Variants in ZFAND3 observed in about 807,000 individuals in gnomAD.
The protein encoded by ZFAND3 is zinc finger AN1-type containing 3.
Under a neutral mutation model 29.6 loss-of-function variants are expected in ZFAND3, and 10 were observed. That is an observed-to-expected ratio of 0.34 (90% CI 0.21 to 0.57). The LOEUF (loss-of-function observed/expected upper bound fraction) is 0.57. Among genes scored for constraint, ZFAND3 ranks in the 20% least tolerant of loss-of-function variants. ZFAND3 has a pLI of 0.86. For synonymous variants in ZFAND3, 128 were observed against 112.6 expected (o/e 1.14, Z -0.87); for missense variants, 230 against 304.5 (o/e 0.76, Z 1.82).
At chr6:38,044,581 C>A (rs1337428415) in intron 2 of ZFAND3, among the ~76,000 whole-genome samples, 1 of 152,014 alleles carries the variant, frequency 6.6e-6, no homozygotes, top group African/African-American at 2.4e-5. Flanking sequence ...TTTAGTTTTT[C>A]TTTCTAGGAA....
intron 2 of ZFAND3, among the ~76,000 whole-genome samples, chr6:38,043,030 A>G (rs1190173700): frequency 2.0e-5 from 3 of 152,192 alleles, no homozygotes; most frequent in African/African-American, 7.2e-5. Context: ...CTTTTTGACT[A>G]CAGCCTACAT....
At chr6:37,843,052 G>A (rs1764107848) in intron 1 of ZFAND3, among the ~76,000 whole-genome samples, 2 of 151,702 alleles carry the variant, frequency 1.3e-5, no homozygotes, top group South Asian at 4.2e-4. Context: ...AACCCAGGAG[G>A]CGGAGGTTCC....
chr6:37,891,002 C>T (rs968822886), intron 1 of ZFAND3, among the ~76,000 whole-genome samples: 1 of 152,164 alleles, frequency 6.6e-6, no homozygotes, highest in African/African-American at 2.4e-5. Context: ...TCAAAATAGT[C>T]AAAGCGTTAT....
At chr6:38,133,771 T>C (rs1376643816) in intron 5 of ZFAND3, among the ~76,000 whole-genome samples, 1 of 151,752 alleles carries the variant, frequency 6.6e-6, no homozygotes, top group African/African-American at 2.4e-5. Flanking sequence ...AAGAGCATCA[T>C]TGGACAAATG....
intron 5 of ZFAND3, among the ~76,000 whole-genome samples, chr6:38,131,388 C>T (rs548669771): frequency 3.8e-4 from 58 of 152,336 alleles, no homozygotes; most frequent in East Asian, 2.3e-3. Context: ...CTCAGCCCAG[C>T]GCTTTAGAGT....
intron 2 of ZFAND3, among the ~76,000 whole-genome samples, chr6:37,993,041 G>C (rs1335004685): frequency 1.3e-5 from 2 of 152,072 alleles, no homozygotes; most frequent in African/African-American, 4.8e-5. Flanking sequence ...TGCCATGTTT[G>C]ATCATGTACT....
At chr6:38,064,421 AG>A in intron 3 of ZFAND3, among the ~76,000 whole-genome samples, 1 of 152,352 alleles carries the variant, frequency 6.6e-6, no homozygotes, top group Admixed American at 6.5e-5. Context: ...AGACACAAAA[AG>A]ATTAAGTAAT....
At chr6:38,121,291 G>A (rs1196830320) in intron 5 of ZFAND3, among the ~76,000 whole-genome samples, 1 of 152,354 alleles carries the variant, frequency 6.6e-6, no homozygotes, top group African/African-American at 2.4e-5. Context: ...TGGGAGGATG[G>A]CTTTCAGCCC....
intron 2 of ZFAND3, among the ~76,000 whole-genome samples, chr6:38,055,389 G>A (rs1314536508): frequency 6.6e-6 from 1 of 152,180 alleles, no homozygotes; most frequent in Non-Finnish European, 1.5e-5. Flanking sequence ...GCTGGGAAGT[G>A]GTTGCTTCAG....
intron 2 of ZFAND3, among the ~76,000 whole-genome samples, chr6:38,012,472 G>T (rs555712361): frequency 4.0e-5 from 6 of 149,906 alleles, no homozygotes; most frequent in Admixed American, 1.3e-4. Context: ...TCCGCCTCCC[G>T]GGTTCAAGGG....
At chr6:37,864,042 G>C (rs1312207287) in intron 1 of ZFAND3, among the ~76,000 whole-genome samples, 1 of 152,102 alleles carries the variant, frequency 6.6e-6, no homozygotes, top group Non-Finnish European at 1.5e-5. Context: ...GTGAATTGGG[G>C]TTTGCAACTC....
chr6:37,873,088 C>G (rs1397976959), intron 1 of ZFAND3, among the ~76,000 whole-genome samples: 1 of 151,788 alleles, frequency 6.6e-6, no homozygotes, highest in Non-Finnish European at 1.5e-5. Context: ...GAAACACCTT[C>G]TCTACTTAAA....
chr6:37,914,176 C>T (rs557168693), intron 1 of ZFAND3, among the ~76,000 whole-genome samples: 1 of 152,180 alleles, frequency 6.6e-6, no homozygotes, highest in Admixed American at 6.5e-5. Flanking sequence ...CTTGGGTGAC[C>T]AGGTGTGTTG....
chr6:38,061,236 G>A (rs1197422767), intron 2 of ZFAND3, among the ~76,000 whole-genome samples: 1 of 152,068 alleles, frequency 6.6e-6, no homozygotes, highest in Non-Finnish European at 1.5e-5. Context: ...TTTCTCTGCT[G>A]CCTTTTTCCT....
intron 1 of ZFAND3, among the ~76,000 whole-genome samples, chr6:37,839,655 C>T (rs1300644696): frequency 1.3e-5 from 2 of 151,904 alleles, no homozygotes; most frequent in South Asian, 2.1e-4. Flanking sequence ...GCTGGGACTA[C>T]AGGCGTGTGC....
chr6:38,091,524 A>C (rs73730876), intron 4 of ZFAND3, among the ~76,000 whole-genome samples: 1 of 95,216 alleles, frequency 1.1e-5, no homozygotes, highest in East Asian at 3.1e-4. Flanking sequence ...AGGTCTGGGG[A>C]GTGCCTTTCA....
chr6:37,965,830 T>A (rs1319789387), intron 2 of ZFAND3, among the ~76,000 whole-genome samples: 1 of 152,194 alleles, frequency 6.6e-6, no homozygotes, highest in Non-Finnish European at 1.5e-5. Flanking sequence ...GGCATGATCA[T>A]GGCTCACTTC....
At chr6:37,928,606 C>T (rs2645103) in intron 1 of ZFAND3, among the ~76,000 whole-genome samples, 12,003 of 152,108 alleles carry the variant, frequency 0.079, 1,285 homozygotes, top group African/African-American at 0.24. Flanking sequence ...CTGCAACCTC[C>T]GCTTCCTGGG....
chr6:38,053,102 A>G (rs1487215468), intron 2 of ZFAND3, among the ~76,000 whole-genome samples: 1 of 151,980 alleles, frequency 6.6e-6, no homozygotes, highest in African/African-American at 2.4e-5. Context: ...GGAGTGTCTG[A>G]AAAACCAAGA....
Sources: gnomAD v4.1 joint callset for allele counts (sites outside exome capture counted in the v4.1 genomes callset) on GRCh38, gnomAD v4.1.1 for gene constraint, MANE v1.5 for transcripts, NCBI Gene and HGNC (gene_info 2026-07-23, HGNC 2026-07-21) for gene names.